The following COL25A1 variants were observed in gnomAD, a reference collection of about 807,000 sequenced individuals.
The protein encoded by COL25A1 is collagen alpha-1(XXV) chain.
A neutral mutation model predicts 128.4 loss-of-function variants in COL25A1; 103 were observed. That is an observed-to-expected ratio of 0.80 (90% CI 0.68 to 0.94). The LOEUF (loss-of-function observed/expected upper bound fraction) is 0.94, where lower values mean the gene tolerates loss of function less well. COL25A1 is among the 40% of genes least tolerant of loss of function. The probability of loss-of-function intolerance (pLI) is 0.00; values close to 1 mark genes in which losing one functional copy is unlikely to be tolerated. For synonymous variants in COL25A1, 279 were observed against 277.2 expected (o/e 1.01, Z -0.06); for missense variants, 745 against 840.0 (o/e 0.89, Z 1.40).
At chr4:108,827,840 T>A (rs1385036633) in intron 32 of COL25A1, among the ~76,000 whole-genome samples, 1 of 152,056 alleles carries the variant, frequency 6.6e-6, no homozygotes, top group Non-Finnish European at 1.5e-5. Flanking sequence ...TTTCCTTCTA[T>A]CAAAAAACAA....
At chr4:108,863,451 A>G in intron 20 of COL25A1, 64 bp from the exon 21 acceptor site, 1 of 1,373,692 alleles carries the variant, frequency 7.3e-7, no homozygotes, top group Non-Finnish European at 1.0e-6. Context: ...CCTGTAGATT[A>G]ATAAATGAGT....
At chr4:109,173,945 T>C (rs925130843) in intron 3 of COL25A1, among the ~76,000 whole-genome samples, 5 of 152,192 alleles carry the variant, frequency 3.3e-5, no homozygotes, top group African/African-American at 7.2e-5. Context: ...AGCATCATCA[T>C]GGCAGCACTC....
At chr4:109,089,968 A>C (rs1242413186) in intron 3 of COL25A1, among the ~76,000 whole-genome samples, 3 of 152,104 alleles carry the variant, frequency 2.0e-5, no homozygotes, top group African/African-American at 7.2e-5. Flanking sequence ...TTAAAGTGAC[A>C]TAAATATGAA....
chr4:109,246,494 C>T (rs1324824383), intron 3 of COL25A1, among the ~76,000 whole-genome samples: 2 of 152,002 alleles, frequency 1.3e-5, no homozygotes, highest in Admixed American at 1.3e-4. Context: ...CTTGTTTTCT[C>T]AAAAGTGATT....
intron 8 of COL25A1, among the ~76,000 whole-genome samples, chr4:108,955,180 G>C (rs191558470): frequency 3.9e-5 from 6 of 152,052 alleles, no homozygotes; most frequent in Admixed American, 2.0e-4. Flanking sequence ...ATTCTACCTG[G>C]GTGATACGGG....
intron 3 of COL25A1, among the ~76,000 whole-genome samples, chr4:109,280,442 T>C (rs1723268499): frequency 6.6e-6 from 1 of 152,116 alleles, no homozygotes; most frequent in African/African-American, 2.4e-5. Context: ...ACAAATAAAT[T>C]GAGAACATAG....
chr4:108,918,638 C>T (rs969482076), intron 12 of COL25A1, among the ~76,000 whole-genome samples: 10 of 152,212 alleles, frequency 6.6e-5, no homozygotes, highest in Middle Eastern at 3.4e-3. Flanking sequence ...CCATTTGTTC[C>T]GCAGTTAAAT....
intron 11 of COL25A1, among the ~76,000 whole-genome samples, chr4:108,924,072 A>G (rs564324828): frequency 6.6e-6 from 1 of 152,202 alleles, no homozygotes; most frequent in Non-Finnish European, 1.5e-5. Flanking sequence ...AACATCAACT[A>G]TAATTAGAAC....
chr4:109,179,247 C>T (rs1186916817), intron 3 of COL25A1, among the ~76,000 whole-genome samples: 2 of 152,194 alleles, frequency 1.3e-5, no homozygotes, highest in African/African-American at 4.8e-5. Flanking sequence ...AGCACATCCA[C>T]TATTGAGTCC....
At chr4:108,956,866 A>T (rs575515443) in intron 8 of COL25A1, among the ~76,000 whole-genome samples, 4 of 152,324 alleles carry the variant, frequency 2.6e-5, no homozygotes, top group South Asian at 4.1e-4. Flanking sequence ...CAGAATCCAG[A>T]GGGGACCTCA....
At chr4:109,036,836 C>T (rs574281063) in intron 5 of COL25A1, among the ~76,000 whole-genome samples, 1 of 152,316 alleles carries the variant, frequency 6.6e-6, no homozygotes, top group East Asian at 1.9e-4. Flanking sequence ...TCCACTCTTT[C>T]AATTTTCACT....
chr4:109,150,879 T>A (rs1031320825), intron 3 of COL25A1, among the ~76,000 whole-genome samples: 1 of 152,158 alleles, frequency 6.6e-6, no homozygotes, highest in Admixed American at 6.5e-5. Context: ...GATTATGTTC[T>A]CAATTCATTT....
At chr4:109,238,372 C>T (rs1490504211) in intron 3 of COL25A1, among the ~76,000 whole-genome samples, 1 of 151,992 alleles carries the variant, frequency 6.6e-6, no homozygotes, top group African/African-American at 2.4e-5. Context: ...ATCTAAGTAG[C>T]ACCCATGTAC....
At chr4:108,823,952 GATA>G (rs748414968) in intron 35 of COL25A1, 6 of 1,438,796 alleles carry the variant, frequency 4.2e-6, no homozygotes, top group Non-Finnish European at 5.5e-6. Flanking sequence ...AATATCTGGT[GATA>G]ATAATTTTTT....
intron 6 of COL25A1, 82 bp from the exon 7 acceptor site, chr4:108,974,641 T>C: frequency 1.7e-6 from 2 of 1,184,038 alleles, no homozygotes; most frequent in Non-Finnish European, 1.2e-6. Context: ...AGTTGAAAGA[T>C]TCATTCAAAG....
chr4:108,822,702 A>G (rs781463087), intron 35 of COL25A1, among the ~76,000 whole-genome samples: 1 of 152,216 alleles, frequency 6.6e-6, no homozygotes, highest in Admixed American at 6.5e-5. Flanking sequence ...CTGGGATTAT[A>G]GGCATGAACC....
At chr4:109,300,277 C>T (rs921598048) in intron 3 of COL25A1, among the ~76,000 whole-genome samples, 1 of 151,678 alleles carries the variant, frequency 6.6e-6, no homozygotes, top group African/African-American at 2.4e-5. Context: ...GACATTAAGA[C>T]AATTTAATTG....
intron 3 of COL25A1, among the ~76,000 whole-genome samples, chr4:109,129,351 A>G (rs2126066028): frequency 6.6e-6 from 1 of 151,672 alleles, no homozygotes; most frequent in South Asian, 2.1e-4. Flanking sequence ...CTGGTCTCGA[A>G]CTCCTGACCT....
chr4:109,057,722 TCTA>T (rs1487143273), intron 3 of COL25A1, among the ~76,000 whole-genome samples: 6 of 152,184 alleles, frequency 3.9e-5, no homozygotes, highest in Non-Finnish European at 5.9e-5. Context: ...TGGTTGAGTT[TCTA>T]CTCCTGTGGA....
Sources: gnomAD v4.1 joint callset for allele counts (sites outside exome capture counted in the v4.1 genomes callset) on GRCh38, gnomAD v4.1.1 for gene constraint, MANE v1.5 for transcripts, NCBI Gene and HGNC (gene_info 2026-07-23, HGNC 2026-07-21) for gene names.